CCNJL: variants seen among roughly 807,000 people sequenced by gnomAD.
CCNJL encodes cyclin-J-like protein.
A neutral mutation model predicts 33.4 loss-of-function variants in CCNJL; 33 were observed. The observed-to-expected ratio is 0.99, with a 90% confidence interval of 0.75 to 1.32. The LOEUF is 1.32. CCNJL is among the 40% of genes most tolerant of loss of function. The pLI, the probability that CCNJL is intolerant of heterozygous loss-of-function variation, is 0.00. For missense variants in CCNJL, 512 were observed against 499.7 expected (o/e 1.02, Z -0.23); for synonymous variants, 227 against 220.9 (o/e 1.03, Z -0.24).
intron 2 of CCNJL, among the ~76,000 whole-genome samples, chr5:160,293,498 A>C (rs546875416): frequency 3.3e-5 from 5 of 152,250 alleles, no homozygotes; most frequent in Non-Finnish European, 5.9e-5. Context: ...ACAGAGGAGC[A>C]CAAAGAGAAC....
At chr5:160,270,500 A>G (rs982711586) in intron 3 of CCNJL, among the ~76,000 whole-genome samples, 1 of 151,980 alleles carries the variant, frequency 6.6e-6, no homozygotes, top group African/African-American at 2.4e-5. Context: ...GGTCCCAGGT[A>G]CTGGGAGGCT....
At chr5:160,329,419 C>T (rs957938291) in intron 1 of CCNJL, among the ~76,000 whole-genome samples, 12 of 149,746 alleles carry the variant, frequency 8.0e-5, no homozygotes, top group East Asian at 2.0e-4. Context: ...GGCATGATCT[C>T]GGCTCACTGC....
chr5:160,264,418 A>G (rs1580956978), intron 3 of CCNJL, among the ~76,000 whole-genome samples: 1 of 152,182 alleles, frequency 6.6e-6, no homozygotes, highest in East Asian at 1.9e-4. Context: ...TGAGGCTGGC[A>G]CACAGAGCTC....
At chr5:160,274,493 C>G (rs1003023279) in intron 3 of CCNJL, among the ~76,000 whole-genome samples, 2 of 152,124 alleles carry the variant, frequency 1.3e-5, no homozygotes, top group African/African-American at 2.4e-5. Flanking sequence ...GGAGATGGGC[C>G]TTTTCACAGG....
chr5:160,316,760 A>G (rs1561811454), upstream of CCNJL, among the ~76,000 whole-genome samples: 1 of 152,208 alleles, frequency 6.6e-6, no homozygotes, highest in East Asian at 1.9e-4. Context: ...GTTTTATGGC[A>G]GTGCCCAAAG....
intron 2 of CCNJL, among the ~76,000 whole-genome samples, chr5:160,309,492 T>C (rs1763198914): frequency 1.3e-5 from 2 of 152,238 alleles, no homozygotes. Context: ...GAGTGTCTAC[T>C]GTGTGCCACG....
intron 2 of CCNJL, among the ~76,000 whole-genome samples, chr5:160,288,755 G>C (rs1004466550): frequency 6.6e-6 from 1 of 150,386 alleles, no homozygotes; most frequent in Non-Finnish European, 1.5e-5. Flanking sequence ...GCATGAACCC[G>C]GGGGGGCGGA....
At chr5:160,311,534 G>T (rs1763259268) in intron 2 of CCNJL, among the ~76,000 whole-genome samples, 1 of 152,110 alleles carries the variant, frequency 6.6e-6, no homozygotes, top group Admixed American at 6.6e-5. Flanking sequence ...ATTTTTTAAA[G>T]ACCCCTTCAC....
intron 4 of CCNJL, among the ~76,000 whole-genome samples, chr5:160,256,068 T>C (rs1447036371): frequency 1.3e-5 from 2 of 152,158 alleles, no homozygotes; most frequent in African/African-American, 2.4e-5. Flanking sequence ...TTCGTATTTT[T>C]TTGAGAGATA....
intron 1 of CCNJL, among the ~76,000 whole-genome samples, chr5:160,334,704 C>G (rs60630869): frequency 6.6e-6 from 1 of 152,236 alleles, no homozygotes; most frequent in African/African-American, 2.4e-5. Flanking sequence ...ACTTCACACA[C>G]CGCTGTTGTC....
intron 1 of CCNJL, among the ~76,000 whole-genome samples, chr5:160,332,517 C>T (rs1307533852): frequency 6.6e-6 from 1 of 152,228 alleles, no homozygotes; most frequent in Non-Finnish European, 1.5e-5. Flanking sequence ...TCTGCCTACA[C>T]CTTTGTTAAC....
At chr5:160,304,188 A>G (rs1763018381) in intron 2 of CCNJL, among the ~76,000 whole-genome samples, 2 of 152,220 alleles carry the variant, frequency 1.3e-5, no homozygotes, top group Admixed American at 6.5e-5. Context: ...CACACTGAGC[A>G]TTTTGGTATT....
At chr5:160,325,524 C>T (rs937087005) in intron 1 of CCNJL, among the ~76,000 whole-genome samples, 1 of 152,176 alleles carries the variant, frequency 6.6e-6, no homozygotes, top group African/African-American at 2.4e-5. Context: ...AGCTGAGCAC[C>T]GTCTCCTCCA....
chr5:160,290,536 G>A (rs1458151561), intron 2 of CCNJL, among the ~76,000 whole-genome samples: 1 of 152,108 alleles, frequency 6.6e-6, no homozygotes, highest in Admixed American at 6.6e-5. Flanking sequence ...CCAAAGTGCT[G>A]GGATTACAGA....
At chr5:160,337,185 T>TC (rs1446340833) in intron 1 of CCNJL, among the ~76,000 whole-genome samples, 1 of 150,832 alleles carries the variant, frequency 6.6e-6, no homozygotes, top group Non-Finnish European at 1.5e-5. Flanking sequence ...TGATTTTTTT[T>TC]TTTTTTAGGG....
chr5:160,306,429 T>G (rs1763099951), intron 2 of CCNJL, among the ~76,000 whole-genome samples: 1 of 152,110 alleles, frequency 6.6e-6, no homozygotes, highest in South Asian at 2.1e-4. Flanking sequence ...AGGTATCACA[T>G]GACTCCCGTC....
upstream of CCNJL, among the ~76,000 whole-genome samples, chr5:160,316,697 A>G (rs1763384599): frequency 6.6e-6 from 1 of 152,140 alleles, no homozygotes; most frequent in African/African-American, 2.4e-5. Flanking sequence ...CTTTTACATG[A>G]AAGGTAGCAT....
At chr5:160,255,061 T>C (rs1760991405) in intron 5 of CCNJL, 1 of 152,422 alleles carries the variant, frequency 6.6e-6, no homozygotes. Flanking sequence ...ACACCTGTAA[T>C]CCCAGCACTT....
intron 1 of CCNJL, among the ~76,000 whole-genome samples, chr5:160,319,895 G>C (rs189473015): frequency 8.5e-4 from 129 of 152,084 alleles, no homozygotes; most frequent in Admixed American, 2.4e-3. Flanking sequence ...AGTACAGCCT[G>C]AGCAACAGAG....
Sources: gnomAD v4.1 joint callset for allele counts (sites outside exome capture counted in the v4.1 genomes callset) on GRCh38, gnomAD v4.1.1 for gene constraint, MANE v1.5 for transcripts, NCBI Gene and HGNC (gene_info 2026-07-23, HGNC 2026-07-21) for gene names.